Variants in TXNDC16 observed in about 807,000 individuals in gnomAD.
The protein encoded by TXNDC16 is thioredoxin domain-containing protein 16.
TXNDC16 carries 74 observed loss-of-function variants against 85.6 expected under a neutral mutation model. The observed-to-expected ratio is 0.86, with a 90% CI of 0.72 to 1.05. TXNDC16 has a LOEUF of 1.05. TXNDC16 is among the 50% of genes least tolerant of loss of function. TXNDC16 has a pLI of 0.00. For synonymous variants in TXNDC16, 335 were observed against 326.5 expected, an observed-to-expected ratio of 1.03 and a Z score of -0.28; for missense variants, 959 against 947.0, an observed-to-expected ratio of 1.01 and a Z score of -0.17.
At chr14:52,519,041 C>CG in intron 7 of TXNDC16, 131 bp downstream of exon 7, 2 of 943,480 alleles carry the variant, frequency 2.1e-6, no homozygotes. Context: ...AGAAAAATAG[C>CG]TTAATAGTAA....
At position 52,470,664 on chromosome 14, in the gene TXNDC16, A is replaced by C; in HGVS notation, c.1329T>G (p.Leu443=). The change falls in exon 15 of 21, where the codon CTT becomes CTG. Residue 443 remains leucine (L), a synonymous_variant. Transcript: ENST00000281741. The part of the protein sequence containing the change: ...AVKLKGTSTM[L]LTRINCADWS... The stretch of plus-strand genomic sequence containing the variant: ...AATCTGCACAGTTTATTCTAGTAAG[A>C]AGCATAGTAGATGTGCCTAAATAAA... 1 of 1,606,984 alleles carries C rather than the reference A, an allele frequency of 6.2e-7. No homozygotes were observed. Among genetic ancestry groups the C allele is most frequent in the Non-Finnish European group, 8.5e-7 (1 of 1,177,348 alleles).
chr14:52,480,686 G>A (rs1418709863), intron 14 of TXNDC16, among the ~76,000 whole-genome samples: 2 of 151,922 alleles, frequency 1.3e-5, no homozygotes, highest in Admixed American at 6.6e-5. Flanking sequence ...ATGTTGGCGT[G>A]GATGTGGTGA....
At chr14:52,550,770 A>G (rs1314783803) in intron 1 of TXNDC16, among the ~76,000 whole-genome samples, 1 of 152,228 alleles carries the variant, frequency 6.6e-6, no homozygotes, top group African/African-American at 2.4e-5. Flanking sequence ...GGCGCCCTTG[A>G]TTTTGACAAG....
chr14:52,456,266 GA>G (rs772610544), intron 17 of TXNDC16, among the ~76,000 whole-genome samples: 27 of 152,134 alleles, frequency 1.8e-4, no homozygotes, highest in Non-Finnish European at 3.4e-4. Flanking sequence ...AACACACTCT[GA>G]AAACTACTGG....
chr14:52,550,341 T>G (rs753088142), intron 1 of TXNDC16, among the ~76,000 whole-genome samples: 59 of 152,226 alleles, frequency 3.9e-4, no homozygotes, highest in Admixed American at 1.3e-4. Flanking sequence ...GAACAGAACC[T>G]GCTCACTGAA....
At chr14:52,541,787 A>G (rs903410835) in intron 4 of TXNDC16, among the ~76,000 whole-genome samples, 5 of 152,226 alleles carry the variant, frequency 3.3e-5, no homozygotes, top group Non-Finnish European at 5.9e-5. Context: ...AAAGGCTTAC[A>G]TATCTATCTA....
rs372179322 is a variant in TXNDC16 at position 52,497,142 on chromosome 14, T to A, written c.757-6137A>T. ...ATGTATTACTATTAAATAACTAAAA[T>A]TACTTAAAAATTAACTTTCAAAAAT... is the stretch of plus-strand genomic sequence containing the variant. On this transcript the variant is annotated intron_variant, in intron 9 of 20. Transcript: ENST00000281741. Among the ~76,000 whole-genome samples the A allele has an allele frequency of 2.6e-5, 4 of 152,096 alleles. No individual in the cohort carries two copies. In the East Asian group the frequency reaches 7.7e-4, roughly 29 times the overall value.
At chr14:52,505,423 C>T (rs1255366163) in intron 9 of TXNDC16, among the ~76,000 whole-genome samples, 3 of 152,258 alleles carry the variant, frequency 2.0e-5, no homozygotes, top group East Asian at 1.9e-4. Flanking sequence ...CATTCAAAAC[C>T]GCTCAACTAC....
In TXNDC16 at chr14:52,431,753, A is replaced by C. The variant is rs1218190771; in HGVS notation, c.*551T>G. 1 of 152,286 alleles carries C rather than the reference A, an allele frequency of 6.6e-6. No homozygotes were observed. The allele number at this position is 152,286 out of a possible 1,614,324, so 9.4% of individuals were successfully genotyped here. A position where few individuals can be genotyped will look rare whatever the true frequency, so the allele number is the denominator to read the frequency against. ...AATTGCTAAATATCCCCTGAGGTTG[A>C]CAAACGCTGATTTTAATATCATGAC... On this transcript the variant is annotated 3_prime_UTR_variant, in exon 21 of 21. Coordinates refer to ENST00000281741, the MANE Select transcript of TXNDC16 (RefSeq NM_020784.3).
At chr14:52,474,468 C>T (rs1340216417) in intron 14 of TXNDC16, among the ~76,000 whole-genome samples, 1 of 152,168 alleles carries the variant, frequency 6.6e-6, no homozygotes, top group African/African-American at 2.4e-5. Context: ...AGAGGCTGGG[C>T]GCAGTGGCTC....
At chr14:52,498,202 T>C (rs934436199) in intron 9 of TXNDC16, among the ~76,000 whole-genome samples, 2 of 152,090 alleles carry the variant, frequency 1.3e-5, no homozygotes, top group African/African-American at 4.8e-5. Flanking sequence ...ATTCAATGGT[T>C]AAAAAACTGT....
chr14:52,475,835 C>T (rs1309851640), intron 14 of TXNDC16, among the ~76,000 whole-genome samples: 1 of 152,162 alleles, frequency 6.6e-6, no homozygotes, highest in South Asian at 2.1e-4. Context: ...AGCCAATGCT[C>T]TCTTGAAAGT....
At chr14:52,517,775 T>C (rs2140190748) in intron 7 of TXNDC16, among the ~76,000 whole-genome samples, 1 of 152,310 alleles carries the variant, frequency 6.6e-6, no homozygotes, top group Admixed American at 6.5e-5. Flanking sequence ...AAATATGCTT[T>C]TCAAAAAATT....
rs61738564 is a variant in TXNDC16, at chr14:52,470,594, T to C, written c.1399A>G (p.Ile467Val). Residue 467 changes from isoleucine to valine, a missense_variant, in exon 15 of 21, where the codon ATA becomes GTA. Ile to Val is a conservative substitution (Grantham distance 29). Coordinates refer to ENST00000281741, the MANE Select transcript of TXNDC16 (RefSeq NM_020784.3). ...TKQNVTEFPI[I>V]KMYKKGENPV... Reference sequence around the variant, plus strand: ...TTCTCGCCTTTCTTGTACATCTTTATGATAGGAAATTCAGTAACATTTTGC... The same window carrying C: ...TTCTCGCCTTTCTTGTACATCTTTACGATAGGAAATTCAGTAACATTTTGC... 4,199 of 1,614,042 alleles carry C rather than the reference T, an allele frequency of 2.6e-3. 68 individuals are homozygous for C. The African/African-American group carries it at 0.041, about 16-fold the overall frequency.
rs11430120 is a variant in TXNDC16, at chr14:52,525,536, A to AC, written c.393-6244_393-6243insG. ...AAAACCCTGTTTCTACTAAAAATAC[A>AC]AAAAAAAAAAAATTAGCCAGGTATG... On this transcript the variant is annotated intron_variant, in intron 6 of 20. Coordinates refer to ENST00000281741, the MANE Select transcript of TXNDC16 (RefSeq NM_020784.3). Among the ~76,000 whole-genome samples the AC allele has an allele frequency of 8.3e-3, 725 of 86,844 alleles. 14 individuals carry two copies. The highest frequency in any genetic ancestry group is 0.069 in the Admixed American group (588 of 8,556). The allele number at this position is 86,844 out of a possible 152,430, so 57.0% of individuals were successfully genotyped here.
chr14:52,506,529 T>TCATGCTAAAAAC (rs1461103438), intron 9 of TXNDC16, among the ~76,000 whole-genome samples: 32 of 116,950 alleles, frequency 2.7e-4, no homozygotes, highest in Admixed American at 3.6e-4. Context: ...CAACAACCCT[T>TCATGCTAAAAAC]TTTTTTTTTT....
At chr14:52,445,608 T>C (rs1267658999) in intron 18 of TXNDC16, among the ~76,000 whole-genome samples, 1 of 152,254 alleles carries the variant, frequency 6.6e-6, no homozygotes, top group Non-Finnish European at 1.5e-5. Flanking sequence ...CAGTCATGCA[T>C]CGCATGATGT....
chr14:52,531,533 C>T (rs76345053), intron 6 of TXNDC16, among the ~76,000 whole-genome samples: 1 of 152,080 alleles, frequency 6.6e-6, no homozygotes, highest in African/African-American at 2.4e-5. Context: ...ACCTTAAATG[C>T]ATATTACTAA....
At chr14:52,504,643 T>C (rs2140172998) in intron 9 of TXNDC16, among the ~76,000 whole-genome samples, 1 of 152,308 alleles carries the variant, frequency 6.6e-6, no homozygotes, top group East Asian at 1.9e-4. Flanking sequence ...CCATCAATGC[T>C]AGGAAGAAAT....
Sources: allele counts gnomAD v4.1 joint callset (sites outside exome capture counted in the v4.1 genomes callset), GRCh38; gene constraint gnomAD v4.1.1; transcripts MANE v1.5; gene names NCBI Gene and HGNC (gene_info 2026-07-23, HGNC 2026-07-21).